Variants in MRPL15 observed in about 807,000 individuals in gnomAD.
MRPL15 encodes mitochondrial ribosomal protein L15.
In MRPL15, 24 loss-of-function variants were observed where a neutral mutation model predicts 28.0. The observed-to-expected ratio is 0.86, with a 90% CI of 0.62 to 1.21. The LOEUF is 1.21. Ranked by LOEUF, MRPL15 falls within the 50% of genes most tolerant of loss-of-function variation. MRPL15 has a pLI of 0.00. For synonymous variants in MRPL15, 124 were observed against 137.0 expected, an observed-to-expected ratio of 0.90 and a Z score of 0.66; for missense variants, 343 against 372.4, an observed-to-expected ratio of 0.92 and a Z score of 0.65.
chr8:54,136,412 T>A (rs1810828385), intron 1 of MRPL15, 99 bp from the exon 2 acceptor site: 1 of 1,307,102 alleles, frequency 7.7e-7, no homozygotes, highest in Non-Finnish European at 1.1e-6. Context: ...CTAGCACTGG[T>A]GGGCTGGATG....
intron 1 of MRPL15, 95 bp from the exon 2 acceptor site, chr8:54,136,416 C>G: frequency 2.2e-6 from 3 of 1,355,762 alleles, no homozygotes; most frequent in Non-Finnish European, 3.0e-6. Context: ...CACTGGTGGG[C>G]TGGATGAATG....
At chr8:54,141,870 T>TTC (rs398007855) in intron 3 of MRPL15, among the ~76,000 whole-genome samples, 4 of 151,554 alleles carry the variant, frequency 2.6e-5, no homozygotes, top group Admixed American at 2.6e-4. Context: ...TTTTTTTTTT[T>TTC]GAGATGGAGT....
At chr8:54,139,001 CT>C (rs1316008336) in intron 3 of MRPL15, among the ~76,000 whole-genome samples, 2 of 150,178 alleles carry the variant, frequency 1.3e-5, no homozygotes, top group Non-Finnish European at 3.0e-5. Context: ...TAATTTTCTG[CT>C]TTTTTTTTGT....
chr8:54,143,401 C>G (rs942308979), intron 4 of MRPL15, among the ~76,000 whole-genome samples: 3 of 152,180 alleles, frequency 2.0e-5, no homozygotes, highest in African/African-American at 7.2e-5. Flanking sequence ...TTTACCTCAG[C>G]CTGGCTCTTC....
chr8:54,137,359 A>G lies in MRPL15; in HGVS notation c.355A>G (p.Thr119Ala). The G allele has an allele frequency of 6.2e-7, 1 of 1,614,062 alleles. No individual in the cohort carries two copies. The highest frequency in any genetic ancestry group is 1.3e-5 in the African/African-American group (1 of 75,046). The change falls in exon 3 of 5, where the codon ACC (threonine) becomes GCC (alanine). Residue 119 changes from threonine (T) to alanine (A), a missense_variant. Thr to Ala is a moderately conservative substitution (Grantham distance 58, BLOSUM62 0). Transcript: ENST00000260102. ...RVDPSQPIDL[T>A]QLVNGRGVTI... Reference sequence around the variant, plus strand: ...TGATCCTAGTCAACCTATTGACTTAACCCAGCTTGTCAATGGGAGAGGTGT... The same window carrying G: ...TGATCCTAGTCAACCTATTGACTTAGCCCAGCTTGTCAATGGGAGAGGTGT...
intron 3 of MRPL15, among the ~76,000 whole-genome samples, chr8:54,140,267 A>AT (rs888253452): frequency 2.6e-4 from 39 of 151,138 alleles, no homozygotes; most frequent in African/African-American, 8.7e-4. Flanking sequence ...TGTCTTTTTT[A>AT]TTTTTTTTGA....
chr8:54,135,800 G>A (rs945872757), intron 1 of MRPL15, among the ~76,000 whole-genome samples: 39 of 152,096 alleles, frequency 2.6e-4, no homozygotes, highest in Non-Finnish European at 5.1e-4. Context: ...TGGGATTACA[G>A]GCGTGAGCCA....
chr8:54,142,174 G>A (rs1438441337), intron 3 of MRPL15, among the ~76,000 whole-genome samples: 2 of 149,064 alleles, frequency 1.3e-5, no homozygotes, highest in African/African-American at 2.5e-5. Context: ...TTTTATTTGA[G>A]ACGGAGTTTC....
At chr8:54,136,398 TTAGC>T (rs1810828229) in intron 1 of MRPL15, 109 bp from the exon 2 acceptor site, 1 of 1,145,288 alleles carries the variant, frequency 8.7e-7, no homozygotes, top group Non-Finnish European at 1.2e-6. Context: ...CACAATAGTG[TTAGC>T]TAGCACTGGT....
intron 3 of MRPL15, among the ~76,000 whole-genome samples, chr8:54,139,009 T>C (rs909408467): frequency 1.3e-5 from 2 of 151,764 alleles, no homozygotes; most frequent in Non-Finnish European, 2.9e-5. Context: ...TGCTTTTTTT[T>C]TGTTTTTGGA....
intron 4 of MRPL15, among the ~76,000 whole-genome samples, chr8:54,144,795 A>T (rs373476447): frequency 7.9e-5 from 12 of 152,110 alleles, no homozygotes; most frequent in African/African-American, 2.9e-4. Flanking sequence ...AACAAAAAAA[A>T]TTTGCCAACA....
At chr8:54,138,432 C>T (rs1010679795) in intron 3 of MRPL15, among the ~76,000 whole-genome samples, 4 of 150,090 alleles carry the variant, frequency 2.7e-5, no homozygotes, top group Non-Finnish European at 5.9e-5. Context: ...ATTCTCGTGC[C>T]TCAGCCTCCT....
chr8:54,142,674 C>T lies in MRPL15; in HGVS notation c.441C>T (p.Thr147=). ...TTGACATATTTCAGGGTGCTGACAC[C>T]TTTACGGCAAAAGTTAATATTGAAG... ...GVQLVEEGAD[T]FTAKVNIEVQ... The change falls in exon 4 of 5, where the codon ACC becomes ACT. Residue 147 remains threonine (T), a synonymous_variant. Transcript: ENST00000260102. The T allele has an allele frequency of 6.2e-7, 1 of 1,613,550 alleles. No homozygotes were observed. The highest frequency in any genetic ancestry group is 1.1e-5 in the South Asian group (1 of 90,860).
chr8:54,143,567 T>G (rs1426895012), intron 4 of MRPL15, among the ~76,000 whole-genome samples: 1 of 152,224 alleles, frequency 6.6e-6, no homozygotes, highest in Non-Finnish European at 1.5e-5. Flanking sequence ...TCCTAGCCAC[T>G]GTCCTCTTGC....
intron 4 of MRPL15, among the ~76,000 whole-genome samples, chr8:54,144,673 A>G (rs890136304): frequency 4.4e-4 from 67 of 152,094 alleles, no homozygotes; most frequent in South Asian, 2.1e-4. Context: ...CGGGAGACTA[A>G]GGCAGGAGAA....
At chr8:54,141,152 C>T (rs1476765678) in intron 3 of MRPL15, among the ~76,000 whole-genome samples, 1 of 152,144 alleles carries the variant, frequency 6.6e-6, no homozygotes, top group Non-Finnish European at 1.5e-5. Flanking sequence ...CTATGTTTGA[C>T]AGCATAATGT....
chr8:54,147,353 T>A (rs1811060159), intron 4 of MRPL15, 29 bp from the exon 5 acceptor site: 1 of 1,537,496 alleles, frequency 6.5e-7, no homozygotes, highest in Non-Finnish European at 8.8e-7. Context: ...TATTTGCATC[T>A]CACTTTTTAA....
In MRPL15 at chr8:54,147,537, G is replaced by A. The variant is rs755268678; in HGVS notation, c.709G>A (p.Ala237Thr). The change falls in exon 5 of 5, where the codon GCC becomes ACC. Residue 237 changes from alanine (A) to threonine (T), a missense_variant. Physicochemically the swap from Ala to Thr is moderately conservative, Grantham distance 58. Transcript: ENST00000260102. The stretch of plus-strand genomic sequence containing the variant: ...ATTTCCTGAAGCACGACTTGAACTC[G>A]CCAGGAAGTATGGTTATATCTTACC... The part of the protein sequence containing the change: ...AKFPEARLEL[A>T]RKYGYILPDI... The A allele has an allele frequency of 1.6e-5, 26 of 1,613,920 alleles. No individual in the cohort carries two copies. The highest frequency in any genetic ancestry group is 2.2e-5 in the East Asian group (1 of 44,888).
intron 1 of MRPL15, 73 bp from the exon 2 acceptor site, chr8:54,136,438 A>C: frequency 6.6e-7 from 1 of 1,521,148 alleles, no homozygotes. Context: ...ACAGCATAAC[A>C]AAAAGTGAAG....
Sources: gnomAD v4.1 joint callset for allele counts (sites outside exome capture counted in the v4.1 genomes callset) on GRCh38, gnomAD v4.1.1 for gene constraint, MANE v1.5 for transcripts, NCBI Gene and HGNC (gene_info 2026-07-23, HGNC 2026-07-21) for gene names.